FAM184A: variants seen among roughly 807,000 people sequenced by gnomAD.
FAM184A encodes protein FAM184A.
Under a neutral mutation model 143.8 loss-of-function variants are expected in FAM184A, and 99 were observed. The observed-to-expected ratio is 0.69, with a 90% confidence interval of 0.58 to 0.81. The LOEUF is 0.81. Ranked by LOEUF, FAM184A falls within the 40% of genes least tolerant of loss-of-function variation. The pLI, the probability that FAM184A is intolerant of heterozygous loss-of-function variation, is 0.00. For missense variants in FAM184A, 1,217 were observed against 1,310.5 expected (o/e 0.93, Z 1.10); for synonymous variants, 427 against 446.4 (o/e 0.96, Z 0.55).
At chr6:119,122,201 G>T (rs1419787560) in intron 1 of FAM184A, among the ~76,000 whole-genome samples, 1 of 152,108 alleles carries the variant, frequency 6.6e-6, no homozygotes, top group Non-Finnish European at 1.5e-5. Context: ...CTCCATTCTG[G>T]ACCTCCAGCC....
intron 9 of FAM184A, among the ~76,000 whole-genome samples, chr6:118,995,196 C>T (rs532930895): frequency 4.6e-5 from 7 of 152,194 alleles, no homozygotes; most frequent in South Asian, 4.1e-4. Flanking sequence ...GGCAGTGGAT[C>T]GCTTGAGCCC....
chr6:118,974,930 G>T, intron 13 of FAM184A, 94 bp downstream of exon 13: 1 of 961,488 alleles, frequency 1.0e-6, no homozygotes, highest in Non-Finnish European at 1.6e-6. Context: ...TAGAGAGCCA[G>T]TCTAGTCACA....
intron 1 of FAM184A, among the ~76,000 whole-genome samples, chr6:119,041,327 C>G (rs1786320166): frequency 6.6e-6 from 1 of 152,148 alleles, no homozygotes; most frequent in Non-Finnish European, 1.5e-5. Context: ...GACTAAGAAT[C>G]CCTAAACCCA....
chr6:118,968,174 G>T (rs571274749), intron 14 of FAM184A, among the ~76,000 whole-genome samples: 3 of 152,246 alleles, frequency 2.0e-5, no homozygotes, highest in South Asian at 4.2e-4. Context: ...TACAACAGGG[G>T]TGTCCAATCT....
intron 1 of FAM184A, among the ~76,000 whole-genome samples, chr6:119,123,319 G>A (rs1789276340): frequency 6.6e-6 from 1 of 152,064 alleles, no homozygotes; most frequent in African/African-American, 2.4e-5. Flanking sequence ...AAACTGGGAG[G>A]TGGAGGTTGC....
intron 1 of FAM184A, among the ~76,000 whole-genome samples, chr6:119,103,608 G>A (rs934494246): frequency 1.3e-5 from 2 of 151,794 alleles, no homozygotes; most frequent in East Asian, 3.9e-4. Context: ...GTTTTTCTGA[G>A]GCAGGAAAAC....
chr6:119,019,093 T>G (rs1463059030), intron 4 of FAM184A, among the ~76,000 whole-genome samples: 1 of 152,146 alleles, frequency 6.6e-6, no homozygotes, highest in Non-Finnish European at 1.5e-5. Context: ...TAAGTGACAG[T>G]TGATGTTACT....
intron 17 of FAM184A, among the ~76,000 whole-genome samples, chr6:118,961,418 A>G (rs1783320703): frequency 6.6e-6 from 1 of 151,332 alleles, no homozygotes; most frequent in African/African-American, 2.4e-5. Context: ...GTAAACAAAA[A>G]ATTATTTTAA....
upstream of FAM184A, among the ~76,000 whole-genome samples, chr6:119,080,572 G>A (rs1256698991): frequency 1.3e-5 from 2 of 152,156 alleles, no homozygotes; most frequent in Non-Finnish European, 2.9e-5. Flanking sequence ...TATACAGGTC[G>A]AGTATCCTTT....
intron 6 of FAM184A, among the ~76,000 whole-genome samples, chr6:119,007,476 A>G (rs578256004): frequency 6.6e-6 from 1 of 152,100 alleles, no homozygotes; most frequent in African/African-American, 2.4e-5. Flanking sequence ...GCTCTGCAAT[A>G]CTGGTGGTGG....
chr6:119,122,058 C>A (rs1431298578), intron 1 of FAM184A, among the ~76,000 whole-genome samples: 1 of 152,180 alleles, frequency 6.6e-6, no homozygotes, highest in Non-Finnish European at 1.5e-5. Context: ...CAGGAGCCAC[C>A]ATGACCAGCT....
chr6:119,007,227 A>C (rs931322317), intron 6 of FAM184A, among the ~76,000 whole-genome samples: 1 of 152,232 alleles, frequency 6.6e-6, no homozygotes, highest in African/African-American at 2.4e-5. Flanking sequence ...TACATACATG[A>C]AATATTTCAA....
chr6:119,080,845 A>C (rs9885701), upstream of FAM184A, among the ~76,000 whole-genome samples: 10,920 of 152,162 alleles, frequency 0.072, 824 homozygotes, highest in African/African-American at 0.19. Context: ...ATAAAAAAAA[A>C]CCTGAGTCTT....
chr6:118,980,996 A>T (rs530928915), intron 9 of FAM184A, among the ~76,000 whole-genome samples: 9 of 152,346 alleles, frequency 5.9e-5, no homozygotes, highest in African/African-American at 2.2e-4. Context: ...AGTTATTGAA[A>T]ACCTTTAAGT....
At chr6:119,094,030 TC>T in intron 1 of FAM184A, among the ~76,000 whole-genome samples, 1 of 133,174 alleles carries the variant, frequency 7.5e-6, no homozygotes. Flanking sequence ...CTCCCTTCTT[TC>T]CTTTCTTCCT....
At chr6:119,139,468 G>C (rs1168664880) in intron 1 of FAM184A, among the ~76,000 whole-genome samples, 2 of 152,122 alleles carry the variant, frequency 1.3e-5, no homozygotes, top group African/African-American at 4.8e-5. Context: ...TACCTACAGG[G>C]ATACTCGTGG....
At chr6:119,144,333 CA>C (rs555955754) in intron 1 of FAM184A, among the ~76,000 whole-genome samples, 3,064 of 77,924 alleles carry the variant, frequency 0.039, 96 homozygotes, top group African/African-American at 0.1. Flanking sequence ...GACTCTGACT[CA>C]AAAAAAAAAA....
At chr6:119,019,279 C>T (rs1337050951) in intron 4 of FAM184A, among the ~76,000 whole-genome samples, 2 of 152,072 alleles carry the variant, frequency 1.3e-5, no homozygotes, top group South Asian at 2.1e-4. Context: ...TAGTAAGTAC[C>T]ACAGTAAGAT....
intron 1 of FAM184A, among the ~76,000 whole-genome samples, chr6:119,072,727 CAAAG>C (rs897830362): frequency 6.6e-5 from 10 of 151,936 alleles, no homozygotes; most frequent in African/African-American, 2.4e-4. Context: ...ATAATGTAGA[CAAAG>C]AACATTATAT....
Sources: gnomAD v4.1 joint callset for allele counts (sites outside exome capture counted in the v4.1 genomes callset) on GRCh38, gnomAD v4.1.1 for gene constraint, MANE v1.5 for transcripts, NCBI Gene and HGNC (gene_info 2026-07-23, HGNC 2026-07-21) for gene names.